The following PAG1 variants were observed in gnomAD, a reference collection of about 807,000 sequenced individuals.
The protein encoded by PAG1 is phosphoprotein membrane anchor with glycosphingolipid microdomains 1, also known as phosphoprotein associated with glycosphingolipid-enriched microdomains 1.
Under a neutral mutation model 31.7 loss-of-function variants are expected in PAG1, and 23 were observed. The ratio of observed to expected loss-of-function variants is 0.73; its 90% confidence interval spans 0.52 to 1.03. The LOEUF (loss-of-function observed/expected upper bound fraction) is 1.03, where lower values mean the gene tolerates loss of function less well. Ranked by LOEUF, PAG1 falls within the 50% of genes least tolerant of loss-of-function variation. The pLI, the probability that PAG1 is intolerant of heterozygous loss-of-function variation, is 0.00. For synonymous variants in PAG1, 214 were observed against 210.3 expected (o/e 1.02, Z -0.15); for missense variants, 473 against 540.7 (o/e 0.87, Z 1.24).
At chr8:81,012,871 G>T (rs1239223474) in intron 3 of PAG1, among the ~76,000 whole-genome samples, 1 of 152,164 alleles carries the variant, frequency 6.6e-6, no homozygotes, top group Non-Finnish European at 1.5e-5. Context: ...ATGCAAACTC[G>T]CATTGATCAA....
Position 81,084,036 on chromosome 8 carries a change from G to GAA in PAG1, c.-233-13868_-233-13867dup, listed in dbSNP as rs773112661. On this transcript the variant is annotated intron_variant, in intron 1 of 8. Coordinates refer to ENST00000220597, the MANE Select transcript of PAG1 (RefSeq NM_018440.4). ...GGCAACAGAGCGAGACTCCATCTTA[G>GAA]AAAAAAAAAAAAGGGAATATGTGAG... 9.2e-3 allele frequency among the ~76,000 whole-genome samples: 1,270 copies of GAA among 137,660 alleles called. 23 individuals carry two copies. Among genetic ancestry groups the GAA allele is most frequent in the African/African-American group, 0.031 (1,201 of 38,266 alleles). The allele number at this position is 137,660 out of a possible 152,430, so 90.3% of individuals were successfully genotyped here.
At chr8:81,057,280 T>C (rs953625451) in intron 2 of PAG1, among the ~76,000 whole-genome samples, 1 of 152,178 alleles carries the variant, frequency 6.6e-6, no homozygotes, top group East Asian at 1.9e-4. Flanking sequence ...CGTATGTTCA[T>C]TGTGGCACTA....
At chr8:81,087,632 CAAT>C (rs2131047368) in intron 1 of PAG1, among the ~76,000 whole-genome samples, 1 of 152,290 alleles carries the variant, frequency 6.6e-6, no homozygotes, top group East Asian at 1.9e-4. Flanking sequence ...ACTGTAATCT[CAAT>C]AATAACTGAG....
intron 5 of PAG1, among the ~76,000 whole-genome samples, chr8:80,989,779 C>T (rs59031321): frequency 0.24 from 35,912 of 151,908 alleles, 4,701 homozygotes; most frequent in East Asian, 0.5. Context: ...GGGGTGCTTG[C>T]GAGCCTTTTA....
chr8:81,015,649 A>AATTC lies in PAG1; in HGVS notation c.-81+14346_-81+14347insGAAT, dbSNP rs373732330. Among the ~76,000 whole-genome samples, 1,197 of 152,356 alleles carry AATTC rather than the reference A, an allele frequency of 7.9e-3. 7 individuals carry two copies. The highest frequency in any genetic ancestry group is 0.028 in the African/African-American group (1,149 of 41,570). On this transcript the variant is annotated intron_variant, in intron 3 of 8. Transcript: ENST00000220597. ...AAAAGTTAATACTTTCCATGTATTG[A>AATTC]ACATCTATGATTAGCCTGGTACTTT... is the stretch of plus-strand genomic sequence containing the variant.
At chr8:81,063,275 GT>G (rs2130932827) in intron 2 of PAG1, among the ~76,000 whole-genome samples, 1 of 152,234 alleles carries the variant, frequency 6.6e-6, no homozygotes, top group African/African-American at 2.4e-5. Flanking sequence ...TTGAGGGAGG[GT>G]TTTTATTCCT....
chr8:81,101,485 A>G (rs6999928), intron 1 of PAG1, among the ~76,000 whole-genome samples: 74,261 of 151,962 alleles, frequency 0.49, 18,741 homozygotes, highest in East Asian at 0.76. Flanking sequence ...CAATGACACC[A>G]TTCTAGTTTT....
intron 2 of PAG1, among the ~76,000 whole-genome samples, chr8:81,042,189 C>A (rs1475958304): frequency 6.6e-6 from 1 of 152,134 alleles, no homozygotes; most frequent in East Asian, 1.9e-4. Flanking sequence ...TGAGGCCATG[C>A]AGGCATCAGA....
intron 3 of PAG1, among the ~76,000 whole-genome samples, chr8:81,008,603 G>A (rs1347255566): frequency 6.7e-6 from 1 of 149,574 alleles, no homozygotes; most frequent in Admixed American, 6.7e-5. Flanking sequence ...TACTACTACT[G>A]TAAGAATTTA....
chr8:81,094,003 A>G (rs1051110256), intron 1 of PAG1, among the ~76,000 whole-genome samples: 1 of 152,056 alleles, frequency 6.6e-6, no homozygotes, highest in Non-Finnish European at 1.5e-5. Context: ...GGCAGTTAAC[A>G]CCCTGCAGTC....
intron 3 of PAG1, among the ~76,000 whole-genome samples, chr8:81,000,227 G>A (rs1459856653): frequency 6.6e-6 from 1 of 152,066 alleles, no homozygotes; most frequent in African/African-American, 2.4e-5. Flanking sequence ...TCTATGACCT[G>A]GGAAATAGGA....
chr8:81,094,243 T>C (rs2131080284), intron 1 of PAG1, among the ~76,000 whole-genome samples: 1 of 152,332 alleles, frequency 6.6e-6, no homozygotes, highest in Middle Eastern at 3.4e-3. Flanking sequence ...ATAAATATGT[T>C]CAATACCCTA....
chr8:81,087,086 G>A (rs927625579), intron 1 of PAG1, among the ~76,000 whole-genome samples: 4 of 152,026 alleles, frequency 2.6e-5, no homozygotes, highest in Non-Finnish European at 4.4e-5. Context: ...GGCTCATGCC[G>A]GTAATCCCAG....
chr8:81,041,842 T>C (rs1207844618), intron 2 of PAG1, among the ~76,000 whole-genome samples: 2 of 152,210 alleles, frequency 1.3e-5, no homozygotes, highest in Non-Finnish European at 2.9e-5. Flanking sequence ...CTCATTTCTT[T>C]GGCTCTTTCT....
chr8:81,037,249 C>T (rs932338273), intron 2 of PAG1: 1 of 152,152 alleles, frequency 6.6e-6, no homozygotes. Flanking sequence ...CTTATACTAT[C>T]TACAACATAC....
chr8:81,047,801 A>G (rs1389308001), intron 2 of PAG1, among the ~76,000 whole-genome samples: 1 of 152,204 alleles, frequency 6.6e-6, no homozygotes. Flanking sequence ...GCTCTTTGCT[A>G]TCGAAATCTG....
intron 3 of PAG1, among the ~76,000 whole-genome samples, chr8:81,011,289 C>T (rs1807979278): frequency 6.6e-6 from 1 of 152,114 alleles, no homozygotes; most frequent in South Asian, 2.1e-4. Context: ...AGAGACCTGG[C>T]GGGAGATAAC....
intron 1 of PAG1, among the ~76,000 whole-genome samples, chr8:81,105,170 C>A (rs144067658): frequency 2.2e-3 from 330 of 152,250 alleles, no homozygotes; most frequent in Non-Finnish European, 3.4e-3. Flanking sequence ...AGTCAGGCAC[C>A]CCTGACGGAG....
intron 1 of PAG1, among the ~76,000 whole-genome samples, chr8:81,085,191 C>G (rs553981999): frequency 1.1e-4 from 16 of 152,146 alleles, no homozygotes; most frequent in South Asian, 8.3e-4. Context: ...CGGCTAGACT[C>G]TAAATTCATC....
Sources: allele counts gnomAD v4.1 joint callset (sites outside exome capture counted in the v4.1 genomes callset), GRCh38; gene constraint gnomAD v4.1.1; transcripts MANE v1.5; gene names NCBI Gene and HGNC (gene_info 2026-07-23, HGNC 2026-07-21).